AOPEP: variants seen among roughly 807,000 people sequenced by gnomAD.
The protein encoded by AOPEP is aminopeptidase O.
A neutral mutation model predicts 98.1 loss-of-function variants in AOPEP; 77 were observed. That is an observed-to-expected ratio of 0.78 (90% confidence interval 0.65 to 0.95). The LOEUF (loss-of-function observed/expected upper bound fraction) is 0.95, where lower values mean the gene tolerates loss of function less well. AOPEP is among the 40% of genes least tolerant of loss of function. AOPEP has a pLI of 0.00. For missense variants in AOPEP, 1,024 were observed against 1,024.7 expected (o/e 1.00, Z 0.01); for synonymous variants, 346 against 365.3 (o/e 0.95, Z 0.60).
At chr9:94,742,070 C>T (rs1475898759) in intron 1 of AOPEP, among the ~76,000 whole-genome samples, 1 of 152,166 alleles carries the variant, frequency 6.6e-6, no homozygotes, top group Non-Finnish European at 1.5e-5. Context: ...ATAGCACTGA[C>T]GACCACACAG....
chr9:94,936,433 G>C (rs992834233), intron 7 of AOPEP, among the ~76,000 whole-genome samples: 2 of 152,174 alleles, frequency 1.3e-5, no homozygotes, highest in Non-Finnish European at 2.9e-5. Context: ...ACAGTCTGGA[G>C]GCCAGGAGTC....
At chr9:94,772,935 C>T in intron 2 of AOPEP, 67 bp from the exon 3 acceptor site, 1 of 1,447,232 alleles carries the variant, frequency 6.9e-7, no homozygotes, top group Middle Eastern at 1.8e-4. Context: ...CACTACCATA[C>T]TGGTGAGAAA....
At chr9:95,022,369 G>A (rs1037653065) in intron 13 of AOPEP, 8 of 152,246 alleles carry the variant, frequency 5.3e-5, no homozygotes, top group African/African-American at 1.9e-4. Context: ...TTGAGATGGG[G>A]TCTCTGTCGC....
intron 14 of AOPEP, among the ~76,000 whole-genome samples, chr9:95,073,509 G>A (rs1192051106): frequency 6.6e-6 from 1 of 151,988 alleles, no homozygotes. Flanking sequence ...AGCAGGCCGG[G>A]CGCGGGGGCT....
At position 94,980,829 on chromosome 9, in the gene AOPEP, C is replaced by T. The variant is rs189632275; in HGVS notation, c.1977+1402C>T. Among the ~76,000 whole-genome samples the T allele has an allele frequency of 2.3e-3, 354 of 152,320 alleles. 1 individual carries two copies. Among genetic ancestry groups the T allele is most frequent in the Non-Finnish European group, 2.2e-3 (151 of 68,024 alleles). On this transcript the variant is annotated intron_variant, in intron 11 of 16. Coordinates refer to ENST00000375315, the MANE Select transcript of AOPEP (RefSeq NM_001193329.3). The surrounding 1 kb of genome is among the most constrained non-coding windows in gnomAD (Gnocchi z 4.3). ...TCCAAACCAGACTACTCACTGAGGA[C>T]AAACATCCAGGAAAAACAAGTTAAG...
chr9:95,136,831 T>TTAAGG, the AOPEP span, among the ~76,000 whole-genome samples: 1 of 152,192 alleles, frequency 6.6e-6, no homozygotes, highest in Non-Finnish European at 1.5e-5. Context: ...GGAACATATA[T>TTAAGG]TAAGGTCCTC....
intron 3 of AOPEP, among the ~76,000 whole-genome samples, chr9:94,783,703 T>C (rs557797181): frequency 6.6e-6 from 1 of 152,212 alleles, no homozygotes. Flanking sequence ...ATTATATATT[T>C]AAAATATATG....
intron 2 of AOPEP, 114 bp downstream of exon 2, chr9:94,760,694 A>G (rs1588086479): frequency 3.6e-6 from 3 of 837,076 alleles, no homozygotes; most frequent in African/African-American, 1.7e-5. Flanking sequence ...CTGTGACATT[A>G]CCCAAGTAGC....
the AOPEP span, among the ~76,000 whole-genome samples, chr9:95,143,871 G>T: frequency 6.6e-6 from 1 of 152,166 alleles, no homozygotes; most frequent in Admixed American, 6.5e-5. Context: ...TTGACATTTA[G>T]GCCAAGAAAT....
chr9:94,777,902 G>T (rs901259022), intron 3 of AOPEP, among the ~76,000 whole-genome samples: 1 of 151,966 alleles, frequency 6.6e-6, no homozygotes, highest in African/African-American at 2.4e-5. Flanking sequence ...GGGATTACAG[G>T]TGTGAGCCAC....
intron 5 of AOPEP, chr9:94,921,209 G>GA (rs1281457222): frequency 6.6e-6 from 1 of 152,196 alleles, no homozygotes; most frequent in Non-Finnish European, 1.5e-5. Flanking sequence ...CTTTCAAGGG[G>GA]AAAAAAAGAA....
intron 11 of AOPEP, among the ~76,000 whole-genome samples, chr9:94,985,837 T>A (rs1260722433): frequency 6.6e-6 from 1 of 152,204 alleles, no homozygotes; most frequent in African/African-American, 2.4e-5. Context: ...GCGGCCTCAC[T>A]TGAGGCAGCA....
intron 9 of AOPEP, among the ~76,000 whole-genome samples, chr9:94,961,219 C>T (rs1436864932): frequency 6.6e-6 from 1 of 152,084 alleles, no homozygotes; most frequent in African/African-American, 2.4e-5. Context: ...CAGAAGAATT[C>T]TTTCCTTATC....
intron 1 of AOPEP, among the ~76,000 whole-genome samples, chr9:94,738,583 T>C (rs376757881): frequency 3.9e-4 from 58 of 148,078 alleles, no homozygotes; most frequent in Admixed American, 1.5e-3. Flanking sequence ...ATTATTATTA[T>C]TTTTTTTTGA....
chr9:95,141,533 A>C, the AOPEP span, among the ~76,000 whole-genome samples: 1 of 152,160 alleles, frequency 6.6e-6, no homozygotes, highest in East Asian at 1.9e-4. Flanking sequence ...AAAAAACATA[A>C]ACCCAACATC....
the AOPEP span, chr9:95,135,211 T>C: frequency 5.0e-5 from 44 of 881,276 alleles, no homozygotes; most frequent in Non-Finnish European, 7.9e-5. Flanking sequence ...AAAAATAAAA[T>C]GTAAATACAC....
chr9:94,850,173 C>T (rs1301372776), intron 5 of AOPEP, among the ~76,000 whole-genome samples: 1 of 152,116 alleles, frequency 6.6e-6, no homozygotes, highest in Admixed American at 6.5e-5. Context: ...GGGGTGAGCA[C>T]CTCTGCTTTA....
At chr9:95,073,387 A>G (rs551794052) in intron 14 of AOPEP, among the ~76,000 whole-genome samples, 1 of 151,708 alleles carries the variant, frequency 6.6e-6, no homozygotes, top group East Asian at 1.9e-4. Flanking sequence ...AGGTTTTCAC[A>G]CTGTCCGGGA....
At chr9:94,810,291 C>T (rs1850230555) in intron 5 of AOPEP, among the ~76,000 whole-genome samples, 1 of 151,574 alleles carries the variant, frequency 6.6e-6, no homozygotes, top group African/African-American at 2.4e-5. Context: ...CTTAGGGCCC[C>T]TACATTTGAT....
Sources: gnomAD v4.1 joint callset for allele counts (sites outside exome capture counted in the v4.1 genomes callset) on GRCh38, gnomAD v4.1.1 for gene constraint, Gnocchi (gnomAD v3.1) non-coding constraint, MANE v1.5 for transcripts, NCBI Gene and HGNC (gene_info 2026-07-23, HGNC 2026-07-21) for gene names.